Variants in SLC14A2 observed in about 807,000 individuals in gnomAD.
The protein encoded by SLC14A2 is solute carrier family 14 member 2.
A neutral mutation model predicts 104.6 loss-of-function variants in SLC14A2; 91 were observed. That is an observed-to-expected ratio of 0.87 (90% CI 0.73 to 1.04). SLC14A2 has a LOEUF of 1.04. Ranked by LOEUF, SLC14A2 falls within the 50% of genes least tolerant of loss-of-function variation. The pLI is 0.00. For synonymous variants in SLC14A2, 476 were observed against 466.4 expected, an observed-to-expected ratio of 1.02 and a Z score of -0.27; for missense variants, 1,189 against 1,156.0, an observed-to-expected ratio of 1.03 and a Z score of -0.41.
chr18:45,451,739 A>G (rs1217448025), intron 1 of SLC14A2, among the ~76,000 whole-genome samples: 2 of 152,176 alleles, frequency 1.3e-5, no homozygotes, highest in African/African-American at 4.8e-5. Flanking sequence ...TCTCAACTCA[A>G]TAGTCAAAGA....
At chr18:45,210,852 G>A (rs748469439), upstream of SLC14A2, among the ~76,000 whole-genome samples, 1 of 152,150 alleles carries the variant, frequency 6.6e-6, no homozygotes, top group Non-Finnish European at 1.5e-5. Flanking sequence ...GTGTTGTTGT[G>A]CATTCTGTGA....
the SLC14A2 span, among the ~76,000 whole-genome samples, chr18:45,199,240 C>T: frequency 6.6e-6 from 1 of 152,020 alleles, no homozygotes; most frequent in Non-Finnish European, 1.5e-5. Context: ...GCTGTGTGTA[C>T]ACATTAGGCT....
intron 1 of SLC14A2, among the ~76,000 whole-genome samples, chr18:45,429,274 T>G (rs147460998): frequency 1.3e-5 from 2 of 152,348 alleles, no homozygotes; most frequent in African/African-American, 4.8e-5. Flanking sequence ...GAATAAATAC[T>G]GTTATGTTTT....
chr18:45,419,560 G>T (rs1003394538), intron 1 of SLC14A2, among the ~76,000 whole-genome samples: 1 of 152,176 alleles, frequency 6.6e-6, no homozygotes, highest in Non-Finnish European at 1.5e-5. Flanking sequence ...GATCACCTGA[G>T]GTCAGGAGAT....
At chr18:45,242,444 G>T (rs1450920362) in intron 1 of SLC14A2, among the ~76,000 whole-genome samples, 1 of 152,176 alleles carries the variant, frequency 6.6e-6, no homozygotes, top group Admixed American at 6.5e-5. Context: ...GCTCCATGTT[G>T]CAAATTGATT....
chr18:45,608,527 C>T (rs1030585771), intron 2 of SLC14A2, among the ~76,000 whole-genome samples: 3 of 152,208 alleles, frequency 2.0e-5, no homozygotes, highest in African/African-American at 7.2e-5. Flanking sequence ...GCGTTTTGCT[C>T]ATCAACACTC....
chr18:45,348,515 C>A (rs528633328), intron 1 of SLC14A2, among the ~76,000 whole-genome samples: 30 of 152,254 alleles, frequency 2.0e-4, no homozygotes, highest in African/African-American at 7.0e-4. Context: ...GCTCAAATAT[C>A]CTATGGCTGG....
intron 8 of SLC14A2, among the ~76,000 whole-genome samples, chr18:45,642,253 T>A (rs1480535019): frequency 3.3e-5 from 5 of 152,224 alleles, no homozygotes; most frequent in Non-Finnish European, 5.9e-5. Context: ...AGACTGAGAA[T>A]GACTTCCATA....
chr18:45,472,994 G>T (rs907588429), intron 1 of SLC14A2, among the ~76,000 whole-genome samples: 1 of 152,266 alleles, frequency 6.6e-6, no homozygotes, highest in East Asian at 1.9e-4. Flanking sequence ...TCTTTCTAGG[G>T]TTTCTGTGGT....
chr18:45,245,307 A>G (rs190071819), intron 1 of SLC14A2, among the ~76,000 whole-genome samples: 1 of 152,290 alleles, frequency 6.6e-6, no homozygotes, highest in East Asian at 1.9e-4. Context: ...ATGTAGCTGG[A>G]GATTTTCCCT....
At chr18:45,181,336 G>A in the SLC14A2 span, 1 of 152,252 alleles carries the variant, frequency 6.6e-6, no homozygotes, top group Non-Finnish European at 1.5e-5. Context: ...ATCGGGTGCA[G>A]CCATTTCAGA....
intron 2 of SLC14A2, among the ~76,000 whole-genome samples, chr18:45,604,285 T>G (rs72906376): frequency 0.081 from 12,340 of 152,268 alleles, 666 homozygotes; most frequent in Non-Finnish European, 0.12. Context: ...AATCCTAATG[T>G]CAGGAAGCCA....
intron 1 of SLC14A2, among the ~76,000 whole-genome samples, chr18:45,377,619 C>T (rs1480526824): frequency 1.3e-5 from 2 of 152,122 alleles, no homozygotes; most frequent in African/African-American, 2.4e-5. Flanking sequence ...TGCTTCTCAA[C>T]ATCTCAGATT....
chr18:45,257,491 C>T (rs2084491538), intron 1 of SLC14A2, among the ~76,000 whole-genome samples: 1 of 152,078 alleles, frequency 6.6e-6, no homozygotes, highest in Admixed American at 6.5e-5. Flanking sequence ...AGCTATTGGC[C>T]AGCAAGAAGA....
chr18:45,676,201 G>A (rs1178905812), intron 18 of SLC14A2, among the ~76,000 whole-genome samples: 1 of 152,182 alleles, frequency 6.6e-6, no homozygotes, highest in Non-Finnish European at 1.5e-5. Context: ...TGCTAGAAAT[G>A]AGAAGTCAAG....
chr18:45,440,636 A>G (rs1198301554), intron 1 of SLC14A2, among the ~76,000 whole-genome samples: 2 of 152,200 alleles, frequency 1.3e-5, no homozygotes, highest in Non-Finnish European at 2.9e-5. Flanking sequence ...AGACATTCCT[A>G]ACTGGAGTCC....
chr18:45,631,954 C>G (rs983539926), intron 4 of SLC14A2, among the ~76,000 whole-genome samples: 4 of 152,192 alleles, frequency 2.6e-5, no homozygotes, highest in African/African-American at 9.7e-5. Context: ...AATCATAACA[C>G]TCTTTCTCCT....
chr18:45,317,155 C>G (rs1039324150), intron 1 of SLC14A2, among the ~76,000 whole-genome samples: 3 of 152,192 alleles, frequency 2.0e-5, no homozygotes, highest in African/African-American at 7.2e-5. Flanking sequence ...TTATAACTTA[C>G]CTTGCTAGGC....
At chr18:45,650,231 TGGATAA>T (rs2045708325) in intron 10 of SLC14A2, among the ~76,000 whole-genome samples, 1 of 152,234 alleles carries the variant, frequency 6.6e-6, no homozygotes, top group South Asian at 2.1e-4. Flanking sequence ...TTCAATTCAA[TGGATAA>T]GTTGAATTTT....
Sources: allele counts gnomAD v4.1 joint callset (sites outside exome capture counted in the v4.1 genomes callset), GRCh38; gene constraint gnomAD v4.1.1; transcripts MANE v1.5; gene names NCBI Gene and HGNC (gene_info 2026-07-23, HGNC 2026-07-21).